OR2L5: variants seen among roughly 807,000 people sequenced by gnomAD.
OR2L5 encodes olfactory receptor 2L5.
For synonymous variants in OR2L5, 169 were observed against 142.0 expected (o/e 1.19, Z -1.35); for missense variants, 413 against 381.6 (o/e 1.08, Z -0.69).
Position 248,022,794 on chromosome 1 carries a change from A to G in OR2L5, c.847A>G (p.Met283Val), listed in dbSNP as rs753044416. 24 of 1,613,466 alleles carry G rather than the reference A, an allele frequency of 1.5e-5. No homozygotes were observed. Among genetic ancestry groups the G allele is most frequent in the Middle Eastern group, 1.6e-4 (1 of 6,084 alleles). ...TGTTTTCTACACCATCCTCACCCCA[A>G]TGCTCAACCCCATCATCTACAGCCT... ...LAVFYTILTP[M>V]LNPIIYSLRN... Residue 283 changes from methionine (M) to valine (V), a missense_variant, in exon 2 of 2, where the codon ATG becomes GTG. Transcript: ENST00000355281.
chr1:248,018,142 G>A (rs12121033), intron 1 of OR2L5, among the ~76,000 whole-genome samples: 21,014 of 144,266 alleles, frequency 0.15, 1,927 homozygotes, highest in Middle Eastern at 0.28. Flanking sequence ...GCGACAGAGC[G>A]ACTCCATCTC....
At chr1:248,016,156 A>C (rs1030534667) in intron 1 of OR2L5, among the ~76,000 whole-genome samples, 2 of 152,214 alleles carry the variant, frequency 1.3e-5, no homozygotes, top group Non-Finnish European at 2.9e-5. Context: ...AAATTGAAGG[A>C]TAGGAAAAAA....
chr1:248,016,037 T>C (rs1662189909), intron 1 of OR2L5, among the ~76,000 whole-genome samples: 1 of 152,212 alleles, frequency 6.6e-6, no homozygotes, highest in African/African-American at 2.4e-5. Context: ...ATCCTGTGAT[T>C]CAGCTATTCT....
intron 1 of OR2L5, among the ~76,000 whole-genome samples, chr1:248,017,457 A>G (rs898788823): frequency 1.3e-5 from 2 of 152,206 alleles, no homozygotes; most frequent in African/African-American, 4.8e-5. Context: ...TAACGTCACA[A>G]AATACGTCTC....
At chr1:248,014,097 ATT>A (rs944423668) in intron 1 of OR2L5, among the ~76,000 whole-genome samples, 9 of 151,970 alleles carry the variant, frequency 5.9e-5, no homozygotes, top group Non-Finnish European at 1.3e-4. Flanking sequence ...TTGGTTGGTG[ATT>A]TTTTGGTTTT....
intron 1 of OR2L5, among the ~76,000 whole-genome samples, chr1:248,015,118 C>G (rs1227190217): frequency 6.6e-6 from 1 of 152,210 alleles, no homozygotes; most frequent in African/African-American, 2.4e-5. Context: ...CAAATATTCA[C>G]TTTATATTCT....
intron 1 of OR2L5, among the ~76,000 whole-genome samples, chr1:248,019,485 T>A (rs1028744691): frequency 6.6e-6 from 1 of 152,326 alleles, no homozygotes; most frequent in Non-Finnish European, 1.5e-5. Context: ...GCACTGACTA[T>A]ACTTTTATGG....
intron 1 of OR2L5, among the ~76,000 whole-genome samples, chr1:248,019,157 T>G (rs1330087089): frequency 2.0e-5 from 3 of 152,192 alleles, no homozygotes; most frequent in African/African-American, 7.2e-5. Context: ...AGAAGTTAAA[T>G]AGCTGGAGCA....
chr1:248,013,800 AGCGC>A lies in OR2L5; in HGVS notation c.-22+63_-22+66del, dbSNP rs1021062529. ...TCATAGGGAAGAAGAGACTCTGGCAAGCGCTTAAGAGAACTTTATTTCAGAAATC... is the reference window on the plus strand; with the variant it reads ...TCATAGGGAAGAAGAGACTCTGGCAATTAAGAGAACTTTATTTCAGAAATC... On this transcript the variant is annotated intron_variant, in intron 1 of 1. Coordinates refer to ENST00000355281, the MANE Select transcript of OR2L5 (RefSeq NM_001258284.2). 45 of 152,174 alleles carry A rather than the reference AGCGC, an allele frequency of 3.0e-4. 2 individuals are homozygous for A. Among genetic ancestry groups the A allele is most frequent in the Non-Finnish European group, 1.2e-4 (8 of 68,012 alleles). The allele number at this position is 152,174 out of a possible 1,614,324, so 9.4% of individuals were successfully genotyped here. A position where few individuals can be genotyped will look rare whatever the true frequency, so the allele number is the denominator to read the frequency against.
In OR2L5 at chr1:248,022,892, C is replaced by T. The variant is rs185180614; in HGVS notation, c.*6C>T. On this transcript the variant is annotated 3_prime_UTR_variant, in exon 2 of 2. Transcript: ENST00000355281. ...TCTTCTCGGTGAAAATGTAGACATA[C>T]GTTCTGTGTTAGAGTCAAAGCGCTA... The T allele has an allele frequency of 3.4e-5, 55 of 1,596,010 alleles. No homozygotes were observed. The South Asian group carries it at 4.2e-4, about 12-fold the overall frequency.
chr1:248,019,074 T>C (rs1662276102), intron 1 of OR2L5, among the ~76,000 whole-genome samples: 1 of 152,188 alleles, frequency 6.6e-6, no homozygotes, highest in African/African-American at 2.4e-5. Context: ...CTTTGGGGTA[T>C]TGTGATAATA....
chr1:248,024,099 G>C lies in OR2L5; in HGVS notation c.*1213G>C, dbSNP rs576703484. On this transcript the variant is annotated 3_prime_UTR_variant, in exon 2 of 2. Transcript: ENST00000355281. Reference sequence around the variant, plus strand: ...CTGGCATATGTGAGCAGAACGTGCAGGTTTGTTACACAGGTATACATGTGC... The same window carrying C: ...CTGGCATATGTGAGCAGAACGTGCACGTTTGTTACACAGGTATACATGTGC... 1 of 152,066 alleles carries C rather than the reference G, an allele frequency of 6.6e-6. No homozygotes were observed. Among genetic ancestry groups the C allele is most frequent in the Non-Finnish European group, 1.5e-5 (1 of 67,972 alleles). The allele number at this position is 152,066 out of a possible 1,614,324, so 9.4% of individuals were successfully genotyped here.
chr1:248,015,716 C>A (rs963436901), intron 1 of OR2L5, among the ~76,000 whole-genome samples: 1 of 152,106 alleles, frequency 6.6e-6, no homozygotes, highest in African/African-American at 2.4e-5. Flanking sequence ...AAAGTTCAAT[C>A]TGATTTCTTA....
intron 1 of OR2L5, among the ~76,000 whole-genome samples, chr1:248,016,248 T>C (rs992651872): frequency 2.0e-5 from 3 of 152,228 alleles, no homozygotes; most frequent in Non-Finnish European, 4.4e-5. Flanking sequence ...ATTTGTAGAA[T>C]TGTAATTATT....
chr1:248,023,115 G>T lies in OR2L5; in HGVS notation c.*229G>T, dbSNP rs550695554. 1 of 383,462 alleles carries T rather than the reference G, an allele frequency of 2.6e-6. No homozygotes were observed. Among genetic ancestry groups the T allele is most frequent in the Non-Finnish European group, 4.7e-6 (1 of 214,866 alleles). The allele number at this position is 383,462 out of a possible 1,614,324, so 23.8% of individuals were successfully genotyped here. On this transcript the variant is annotated 3_prime_UTR_variant, in exon 2 of 2. Coordinates refer to ENST00000355281, the MANE Select transcript of OR2L5 (RefSeq NM_001258284.2). ...CAGATCATATATTTTACACTAAATT[G>T]TAAGGCCATAGAATTTCATTATCAT... is the stretch of plus-strand genomic sequence containing the variant.
chr1:248,016,735 ATATT>A (rs1036623251), intron 1 of OR2L5, among the ~76,000 whole-genome samples: 6 of 151,878 alleles, frequency 4.0e-5, no homozygotes, highest in African/African-American at 9.7e-5. Flanking sequence ...TGTAACATAT[ATATT>A]TATTTATATG....
chr1:248,017,996 A>G (rs1662240609), intron 1 of OR2L5, among the ~76,000 whole-genome samples: 1 of 151,984 alleles, frequency 6.6e-6, no homozygotes. Context: ...ATATGTATAT[A>G]TAAAAAAAAT....
chr1:248,013,809 G>A (rs1253156215), intron 1 of OR2L5, 71 bp downstream of exon 1: 1 of 152,124 alleles, frequency 6.6e-6, no homozygotes, highest in African/African-American at 2.4e-5. Flanking sequence ...AAGCGCTTAA[G>A]AGAACTTTAT....
Position 248,022,573 on chromosome 1 carries a change from C to G in OR2L5, c.626C>G (p.Pro209Arg). The G allele has an allele frequency of 6.2e-7, 1 of 1,614,140 alleles. No individual in the cohort carries two copies. The highest frequency in any genetic ancestry group is 8.5e-7 in the Non-Finnish European group (1 of 1,180,030). ...AGCAGCACCATCTTTCTTGTGTTTC[C>G]CTTCACTGGCATTGCGTGTTCCTAT... ...FLSSTIFLVF[P>R]FTGIACSYGW... Residue 209 changes from proline to arginine, a missense_variant, in exon 2 of 2, where the codon CCC (proline) becomes CGC (arginine). By Grantham distance (103) the Pro-to-Arg change is moderately radical. Coordinates refer to ENST00000355281, the MANE Select transcript of OR2L5 (RefSeq NM_001258284.2).
Sources: gnomAD v4.1 joint callset for allele counts (sites outside exome capture counted in the v4.1 genomes callset) on GRCh38, gnomAD v4.1.1 for gene constraint, MANE v1.5 for transcripts, NCBI Gene and HGNC (gene_info 2026-07-23, HGNC 2026-07-21) for gene names.